Variants in PCED1B observed in about 807,000 individuals in gnomAD.
PCED1B encodes the protein PC-esterase domain-containing protein 1B.
For missense variants in PCED1B, 573 were observed against 573.9 expected, an observed-to-expected ratio of 1.00 and a Z score of 0.02; for synonymous variants, 251 against 246.1, an observed-to-expected ratio of 1.02 and a Z score of -0.19.
At chr12:47,171,211 G>A (rs536262955) in intron 2 of PCED1B, among the ~76,000 whole-genome samples, 1 of 151,982 alleles carries the variant, frequency 6.6e-6, no homozygotes, top group South Asian at 2.1e-4. Flanking sequence ...AGGATTACAG[G>A]TATGCACCAC....
chr12:47,170,001 G>A lies in PCED1B; in HGVS notation c.-525-46221G>A, dbSNP rs184842353. On this transcript the variant is annotated intron_variant, in intron 2 of 3. Transcript: ENST00000546455. ...GGAGGGAAGGTCAGCAGATAAACAC[G>A]TGAACAAGGGTCTCTGGTTTTCCTA... 3.3e-3 allele frequency among the ~76,000 whole-genome samples: 500 copies of A among 150,462 alleles called. 7 individuals carry two copies. In the South Asian group the frequency reaches 0.04, roughly 12 times the overall value.
At chr12:47,151,152 T>C (rs201298088) in intron 2 of PCED1B, among the ~76,000 whole-genome samples, 26 of 138,846 alleles carry the variant, frequency 1.9e-4, no homozygotes, top group East Asian at 4.3e-4. Flanking sequence ...CACACACACA[T>C]ACACATATAT....
intron 2 of PCED1B, among the ~76,000 whole-genome samples, chr12:47,164,738 G>A (rs1044134778): frequency 6.6e-6 from 1 of 152,194 alleles, no homozygotes; most frequent in Non-Finnish European, 1.5e-5. Flanking sequence ...AAATCTAGGT[G>A]GAAGCCTCCA....
chr12:47,087,716 G>A (rs1055454720), intron 1 of PCED1B, among the ~76,000 whole-genome samples: 2 of 152,118 alleles, frequency 1.3e-5, no homozygotes, highest in African/African-American at 4.8e-5. Flanking sequence ...TCATTTTGTT[G>A]GAAAAGTATC....
chr12:47,227,887 T>C (rs1460386632), intron 3 of PCED1B, among the ~76,000 whole-genome samples: 2 of 152,070 alleles, frequency 1.3e-5, no homozygotes, highest in Non-Finnish European at 2.9e-5. Flanking sequence ...GTAAACATTT[T>C]TGTCAGATAT....
intron 2 of PCED1B, among the ~76,000 whole-genome samples, chr12:47,168,642 G>A (rs2137538531): frequency 6.6e-6 from 1 of 152,196 alleles, no homozygotes; most frequent in East Asian, 1.9e-4. Flanking sequence ...GGCACTTAAA[G>A]CTACAAATAT....
intron 2 of PCED1B, among the ~76,000 whole-genome samples, chr12:47,120,325 C>G (rs1258524616): frequency 1.3e-5 from 2 of 152,006 alleles, no homozygotes; most frequent in Admixed American, 1.3e-4. Context: ...AATTCTACTT[C>G]TAGGTATATA....
chr12:47,154,094 G>T (rs541602502), intron 2 of PCED1B, among the ~76,000 whole-genome samples: 2 of 152,196 alleles, frequency 1.3e-5, no homozygotes, highest in Admixed American at 6.5e-5. Context: ...CAAGCAAGGC[G>T]CTGACTGCCC....
intron 2 of PCED1B, among the ~76,000 whole-genome samples, chr12:47,118,006 A>C (rs1413130002): frequency 6.6e-6 from 1 of 152,080 alleles, no homozygotes; most frequent in East Asian, 1.9e-4. Flanking sequence ...TCTTTTGAGA[A>C]GTGTCTGTTC....
intron 2 of PCED1B, among the ~76,000 whole-genome samples, chr12:47,152,625 T>C (rs934450591): frequency 2.6e-5 from 4 of 152,220 alleles, no homozygotes; most frequent in Admixed American, 1.3e-4. Context: ...ATTGCATCAA[T>C]GTTATCTTCT....
chr12:47,120,658 T>C (rs906434927), intron 2 of PCED1B, among the ~76,000 whole-genome samples: 1 of 151,878 alleles, frequency 6.6e-6, no homozygotes, highest in African/African-American at 2.4e-5. Context: ...AAAAATTAGC[T>C]AGGCATGGTG....
chr12:47,128,077 A>ACTT (rs1312884790), intron 2 of PCED1B, among the ~76,000 whole-genome samples: 1 of 152,236 alleles, frequency 6.6e-6, no homozygotes, highest in African/African-American at 2.4e-5. Flanking sequence ...CAAAAACAAT[A>ACTT]CTTAGAAAAG....
chr12:47,172,224 C>T (rs1941766857), intron 2 of PCED1B, among the ~76,000 whole-genome samples: 1 of 152,004 alleles, frequency 6.6e-6, no homozygotes, highest in Non-Finnish European at 1.5e-5. Flanking sequence ...TGAATTATTG[C>T]TCCTTATTTT....
chr12:47,080,273 G>A (rs1231651755), intron 1 of PCED1B, among the ~76,000 whole-genome samples: 1 of 152,100 alleles, frequency 6.6e-6, no homozygotes, highest in Non-Finnish European at 1.5e-5. Context: ...AAGGGGACAC[G>A]CCCAGCCACC....
chr12:47,148,669 C>CT (rs1459911461), intron 2 of PCED1B, among the ~76,000 whole-genome samples: 1 of 152,148 alleles, frequency 6.6e-6, no homozygotes, highest in Non-Finnish European at 1.5e-5. Context: ...TTCATACAGA[C>CT]TTTATTTTTC....
In PCED1B at chr12:47,079,642, G is replaced by GGCA. The variant is rs1252896217; in HGVS notation, c.-683_-681dup. On this transcript the variant is annotated 5_prime_UTR_variant, in exon 1 of 4. Coordinates refer to ENST00000546455, the MANE Select transcript of PCED1B (RefSeq NM_138371.3). ...TTGAGGAGTTTCAAGCAGCCGCGGC[G>GGCA]GCAGCAGCAGCCCTGGACGCAGCAG... The GGCA allele has an allele frequency of 6.5e-6, 1 of 152,936 alleles. No homozygotes were observed. Among genetic ancestry groups the GGCA allele is most frequent in the African/African-American group, 2.4e-5 (1 of 41,412 alleles). 9.5% of individuals were successfully genotyped at this position (152,936 alleles called of 1,614,324 possible).
In PCED1B at chr12:47,191,570, G is replaced by A. The variant is rs111232682; in HGVS notation, c.-525-24652G>A. On this transcript the variant is annotated intron_variant, in intron 2 of 3. Transcript: ENST00000546455. ...GAAGTCATGTTTCCATTGCAATCCGGAAGAAGAAATACCGCAGGCCTGCCT... is the reference window on the plus strand; with the variant it reads ...GAAGTCATGTTTCCATTGCAATCCGAAAGAAGAAATACCGCAGGCCTGCCT... 7.9e-5 allele frequency among the ~76,000 whole-genome samples: 12 copies of A among 152,186 alleles called. 1 individual carries two copies. The highest frequency in any genetic ancestry group is 4.6e-4 in the Admixed American group (7 of 15,288).
At chr12:47,132,091 T>G (rs990813376) in intron 2 of PCED1B, among the ~76,000 whole-genome samples, 3 of 152,218 alleles carry the variant, frequency 2.0e-5, no homozygotes, top group Non-Finnish European at 4.4e-5. Context: ...GGAAACATTG[T>G]GATTTTCCCA....
chr12:47,129,917 T>A (rs965059788), intron 2 of PCED1B, among the ~76,000 whole-genome samples: 1 of 152,232 alleles, frequency 6.6e-6, no homozygotes. Context: ...TTTCTTATAA[T>A]GAGCAAAAGC....
Sources: gnomAD v4.1 joint callset for allele counts (sites outside exome capture counted in the v4.1 genomes callset) on GRCh38, gnomAD v4.1.1 for gene constraint, MANE v1.5 for transcripts, NCBI Gene and HGNC (gene_info 2026-07-23, HGNC 2026-07-21) for gene names.